FRAS1: variants seen among roughly 807,000 people sequenced by gnomAD.
FRAS1 encodes the protein Fraser extracellular matrix complex subunit 1, also known as extracellular matrix organizing protein FRAS1.
In FRAS1, 290 loss-of-function variants were observed where a neutral mutation model predicts 435.2. The ratio of observed to expected loss-of-function variants is 0.67; its 90% CI spans 0.61 to 0.73. The LOEUF (loss-of-function observed/expected upper bound fraction) is 0.73, where lower values mean the gene tolerates loss of function less well. FRAS1 is among the 30% of genes least tolerant of loss of function. The probability of loss-of-function intolerance (pLI) is 0.00; values close to 1 mark genes in which losing one functional copy is unlikely to be tolerated. For missense variants in FRAS1, 4,860 were observed against 5,001.5 expected, an observed-to-expected ratio of 0.97 and a Z score of 0.85; for synonymous variants, 1,800 against 1,851.0, an observed-to-expected ratio of 0.97 and a Z score of 0.71.
chr4:78,286,380 T>G, intron 13 of FRAS1, 25 bp from the exon 14 acceptor site: 1 of 1,612,728 alleles, frequency 6.2e-7, no homozygotes, highest in Non-Finnish European at 8.5e-7. Flanking sequence ...TTCCTTTCTC[T>G]TTCTTCAACA....
intron 2 of FRAS1, among the ~76,000 whole-genome samples, chr4:78,130,524 C>T (rs932194004): frequency 6.6e-6 from 1 of 152,142 alleles, no homozygotes; most frequent in Non-Finnish European, 1.5e-5. Context: ...TTTTTCCCCC[C>T]ATTTTTCTTT....
chr4:78,274,410 G>A (rs1357406418), intron 9 of FRAS1, among the ~76,000 whole-genome samples: 1 of 152,146 alleles, frequency 6.6e-6, no homozygotes, highest in Non-Finnish European at 1.5e-5. Flanking sequence ...TGATGTTAGA[G>A]TGTCAATTTT....
At chr4:78,207,052 G>A (rs138126972) in intron 2 of FRAS1, among the ~76,000 whole-genome samples, 50 of 152,288 alleles carry the variant, frequency 3.3e-4, no homozygotes, top group African/African-American at 1.1e-3. Context: ...TGAAAAATTA[G>A]ACCAACTGCA....
rs561145796 is a variant in FRAS1, at chr4:78,354,642, A to G, written c.2423-8871A>G. 2.0e-5 allele frequency among the ~76,000 whole-genome samples: 3 copies of G among 152,338 alleles called. No homozygotes were observed. In the South Asian group the frequency reaches 6.2e-4, roughly 32 times the overall value. On this transcript the variant is annotated intron_variant, in intron 20 of 73. Transcript: ENST00000512123. ...TCATTTCTTTTTCACCTGACGAAGA[A>G]CAGCTACAAGTGCTGATTATTTTGA...
chr4:78,161,619 T>C (rs1426199054), intron 2 of FRAS1, among the ~76,000 whole-genome samples: 1 of 151,396 alleles, frequency 6.6e-6, no homozygotes, highest in Non-Finnish European at 1.5e-5. Flanking sequence ...GTTGCCAAAA[T>C]CTTGGTGCAA....
intron 56 of FRAS1, among the ~76,000 whole-genome samples, chr4:78,480,466 A>G (rs1719980026): frequency 6.6e-6 from 1 of 152,190 alleles, no homozygotes; most frequent in South Asian, 2.1e-4. Flanking sequence ...CTAGAGCTTC[A>G]TGGGCTGACC....
intron 35 of FRAS1, among the ~76,000 whole-genome samples, chr4:78,425,122 A>C (rs951675933): frequency 6.6e-6 from 1 of 150,900 alleles, no homozygotes; most frequent in Admixed American, 6.6e-5. Flanking sequence ...AATAATAATA[A>C]TAATAATAAA....
At chr4:78,380,764 CA>C (rs1731982055) in intron 27 of FRAS1, among the ~76,000 whole-genome samples, 1 of 152,160 alleles carries the variant, frequency 6.6e-6, no homozygotes, top group African/African-American at 2.4e-5. Context: ...GACAAGGACA[CA>C]GTGAGTATTT....
intron 30 of FRAS1, among the ~76,000 whole-genome samples, chr4:78,401,724 GAA>G (rs758620582): frequency 1.6e-5 from 2 of 122,580 alleles, no homozygotes. Context: ...AGTCAGAGTA[GAA>G]AAAAAAAAAA....
chr4:78,296,068 TCTTGA>T (rs1728132941), intron 14 of FRAS1, among the ~76,000 whole-genome samples: 1 of 151,866 alleles, frequency 6.6e-6, no homozygotes, highest in South Asian at 2.1e-4. Context: ...TTTCCTTCTT[TCTTGA>T]CTTTTTTTTT....
intron 35 of FRAS1, among the ~76,000 whole-genome samples, chr4:78,428,431 T>C (rs1734077856): frequency 6.6e-6 from 1 of 152,134 alleles, no homozygotes; most frequent in Non-Finnish European, 1.5e-5. Context: ...CACGCCATTC[T>C]CCTCCCTCAG....
intron 32 of FRAS1, among the ~76,000 whole-genome samples, chr4:78,413,318 A>T (rs1733423834): frequency 6.6e-6 from 1 of 152,226 alleles, no homozygotes; most frequent in South Asian, 2.1e-4. Flanking sequence ...TCCATCGCTG[A>T]TGTCCTTTCT....
intron 20 of FRAS1, among the ~76,000 whole-genome samples, chr4:78,342,317 C>G (rs971682949): frequency 2.6e-5 from 4 of 152,158 alleles, no homozygotes; most frequent in African/African-American, 9.7e-5. Context: ...GTAAACCCAT[C>G]CTGGGAGCAG....
chr4:78,253,720 G>A (rs1053346660), intron 5 of FRAS1, among the ~76,000 whole-genome samples: 5 of 152,198 alleles, frequency 3.3e-5, no homozygotes, highest in Admixed American at 6.5e-5. Context: ...ATCCTTAAGC[G>A]CCCTTCCAAA....
rs554774248 is a variant in FRAS1, at chr4:78,108,925, C to T, written c.108+42909C>T. Among the ~76,000 whole-genome samples the T allele has an allele frequency of 3.5e-3, 382 of 110,518 alleles. 37 individuals are homozygous for T. Among genetic ancestry groups the T allele is most frequent in the Admixed American group, 4.4e-3 (43 of 9,782 alleles). The allele number at this position is 110,518 out of a possible 152,430, so 72.5% of individuals were successfully genotyped here. A position where few individuals can be genotyped will look rare whatever the true frequency, so the allele number is the denominator to read the frequency against. On this transcript the variant is annotated intron_variant, in intron 2 of 73. Transcript: ENST00000512123. ...AAAATGATAAAGGGGATATCACCAC[C>T]GATCCCACAGAAATACAAACTACCA...
intron 66 of FRAS1, 100 bp from the exon 67 acceptor site, chr4:78,519,231 G>A: frequency 1.0e-6 from 1 of 984,422 alleles, no homozygotes; most frequent in Non-Finnish European, 1.4e-6. Flanking sequence ...ATAAGTGTGT[G>A]ACTACATGGG....
In FRAS1 at chr4:78,407,693, C is replaced by A; in HGVS notation, c.4160C>A (p.Ala1387Glu). 1.2e-6 allele frequency: 2 copies of A among 1,613,226 alleles called. No individual in the cohort carries two copies. The highest frequency in any genetic ancestry group is 1.7e-6 in the Non-Finnish European group (2 of 1,179,544). Reference protein sequence around the residue: ...GEVVLLVNMPADSPADEGQHL... With the variant: ...GEVVLLVNMPEDSPADEGQHL... ...GTGGTCCTTCTAGTGAATATGCCTG[C>A]AGACAGCCCTGCAGATGAAGGGCAG... is the stretch of plus-strand genomic sequence containing the variant. Residue 1387 changes from alanine to glutamate, a missense_variant, in exon 31 of 74, where the codon GCA (alanine) becomes GAA (glutamate). Physicochemically the swap from Ala to Glu is moderately radical, Grantham distance 107. Transcript: ENST00000512123.
At chr4:78,186,340 A>G (rs1158804224) in intron 2 of FRAS1, among the ~76,000 whole-genome samples, 1 of 152,080 alleles carries the variant, frequency 6.6e-6, no homozygotes, top group Non-Finnish European at 1.5e-5. Context: ...AGGGATATCT[A>G]TTATAAATGC....
rs1734462511 is a variant in FRAS1 at position 78,437,167 on chromosome 4, T to C, written c.5218-1403T>C. ...GCAGTTATATGAGATTTGAAATATA[T>C]AGTAAGATATGCCTGCCATGAAATA... On this transcript the variant is annotated intron_variant, in intron 38 of 73. Transcript: ENST00000512123. Among the ~76,000 whole-genome samples the C allele has an allele frequency of 2.6e-5, 4 of 152,312 alleles. No homozygotes were observed. The South Asian group carries it at 8.3e-4, about 32-fold the overall frequency.
Sources: allele counts gnomAD v4.1 joint callset (sites outside exome capture counted in the v4.1 genomes callset), GRCh38; gene constraint gnomAD v4.1.1; transcripts MANE v1.5; gene names NCBI Gene and HGNC (gene_info 2026-07-23, HGNC 2026-07-21).